Variants in DAAM1 observed in about 807,000 individuals in gnomAD.
The protein encoded by DAAM1 is dishevelled associated activator of morphogenesis 1.
In DAAM1, 52 loss-of-function variants were observed where a neutral mutation model predicts 130.0. The observed-to-expected ratio is 0.40, with a 90% confidence interval of 0.32 to 0.50. The LOEUF is 0.50. Ranked by LOEUF, DAAM1 falls within the 20% of genes least tolerant of loss-of-function variation. DAAM1 has a pLI of 0.61. For synonymous variants in DAAM1, 452 were observed against 444.5 expected (o/e 1.02, Z -0.21); for missense variants, 1,134 against 1,303.8 (o/e 0.87, Z 2.01).
intron 1 of DAAM1, among the ~76,000 whole-genome samples, chr14:59,235,572 A>AT (rs1889269120): frequency 6.6e-6 from 1 of 151,574 alleles, no homozygotes; most frequent in Admixed American, 6.6e-5. Flanking sequence ...TATTTTTTAA[A>AT]TTTTTTCAAA....
intron 2 of DAAM1, among the ~76,000 whole-genome samples, chr14:59,270,681 T>C (rs746646597): frequency 6.6e-6 from 1 of 152,118 alleles, no homozygotes; most frequent in Non-Finnish European, 1.5e-5. Flanking sequence ...AATTTTGAAA[T>C]AGAAAAGGAC....
intron 1 of DAAM1, among the ~76,000 whole-genome samples, chr14:59,242,856 T>A (rs1881192269): frequency 6.6e-6 from 1 of 152,178 alleles, no homozygotes; most frequent in Non-Finnish European, 1.5e-5. Flanking sequence ...GCCCAGCCGC[T>A]GGGTACTATT....
intron 3 of DAAM1, among the ~76,000 whole-genome samples, chr14:59,313,410 C>T (rs1395886662): frequency 2.6e-5 from 4 of 152,244 alleles, no homozygotes; most frequent in South Asian, 2.1e-4. Context: ...ACAATATCTA[C>T]GTGTGCTGTT....
intron 1 of DAAM1, among the ~76,000 whole-genome samples, chr14:59,241,468 A>G (rs1881113613): frequency 6.6e-6 from 1 of 152,230 alleles, no homozygotes; most frequent in African/African-American, 2.4e-5. Context: ...GTTTGAACTA[A>G]TTACTTTGTG....
intron 1 of DAAM1, among the ~76,000 whole-genome samples, chr14:59,242,768 C>T (rs1461065612): frequency 6.6e-6 from 1 of 152,074 alleles, no homozygotes; most frequent in Non-Finnish European, 1.5e-5. Flanking sequence ...CCGTGTTAGC[C>T]AGGATGGTCT....
intron 4 of DAAM1, among the ~76,000 whole-genome samples, chr14:59,317,808 C>T (rs1163192291): frequency 3.3e-5 from 5 of 152,304 alleles, no homozygotes; most frequent in East Asian, 3.9e-4. Context: ...AGCCCAAAGA[C>T]TCCTTTCCAA....
At chr14:59,260,918 T>TA (rs1391812176) in intron 1 of DAAM1, among the ~76,000 whole-genome samples, 2 of 152,122 alleles carry the variant, frequency 1.3e-5, no homozygotes, top group Non-Finnish European at 2.9e-5. Flanking sequence ...GCAAGATGTT[T>TA]ATGGGGCATG....
chr14:59,213,777 A>G (rs1425294714), intron 1 of DAAM1, among the ~76,000 whole-genome samples: 1 of 152,228 alleles, frequency 6.6e-6, no homozygotes, highest in Non-Finnish European at 1.5e-5. Context: ...TTTAAAACAC[A>G]GAAGAGCTGA....
intron 1 of DAAM1, among the ~76,000 whole-genome samples, chr14:59,216,900 A>G (rs1888598127): frequency 7.7e-6 from 1 of 129,562 alleles, no homozygotes; most frequent in Admixed American, 8.8e-5. Context: ...AGTATATACT[A>G]TGTGTATGTC....
intron 1 of DAAM1, among the ~76,000 whole-genome samples, chr14:59,227,133 C>T (rs147064538): frequency 2.6e-5 from 4 of 152,138 alleles, no homozygotes; most frequent in Admixed American, 6.5e-5. Flanking sequence ...CTTTAAAGTG[C>T]GTCTTTTACA....
chr14:59,303,332 C>T (rs12886284), intron 3 of DAAM1, among the ~76,000 whole-genome samples: 24,122 of 152,140 alleles, frequency 0.16, 2,356 homozygotes, highest in East Asian at 0.32. Context: ...GTGTATCTCA[C>T]GTCTGAGAAT....
chr14:59,282,351 T>C (rs1201800093), intron 2 of DAAM1, among the ~76,000 whole-genome samples: 3 of 152,316 alleles, frequency 2.0e-5, no homozygotes, highest in South Asian at 4.1e-4. Context: ...ATTTAATAGA[T>C]AGATATTCAA....
At chr14:59,267,253 A>G (rs1882483249) in intron 2 of DAAM1, among the ~76,000 whole-genome samples, 1 of 152,308 alleles carries the variant, frequency 6.6e-6, no homozygotes, top group African/African-American at 2.4e-5. Flanking sequence ...TGAGTCACTC[A>G]TTTGATGTTT....
At chr14:59,290,550 GT>G (rs1222956078) in intron 2 of DAAM1, among the ~76,000 whole-genome samples, 2 of 152,238 alleles carry the variant, frequency 1.3e-5, no homozygotes, top group African/African-American at 4.8e-5. Flanking sequence ...ATATCAGTTA[GT>G]GTTTATGCAA....
chr14:59,291,307 G>A lies in DAAM1; in HGVS notation c.273+1G>A. On this transcript the variant is annotated splice_donor_variant, in intron 3 of 24. Coordinates refer to ENST00000360909, the MANE Select transcript of DAAM1 (RefSeq NM_001270520.2). LOFTEE classifies it high-confidence loss of function. ...GCAAATATACTGTAGCAAGAAAAAGGTAAGATTTTCATTGTGATTATGGTT... is the reference window on the plus strand; with the variant it reads ...GCAAATATACTGTAGCAAGAAAAAGATAAGATTTTCATTGTGATTATGGTT... 1 of 1,598,366 alleles carries A rather than the reference G, an allele frequency of 6.3e-7. No homozygotes were observed. Among genetic ancestry groups the A allele is most frequent in the Non-Finnish European group, 8.5e-7 (1 of 1,173,666 alleles).
At chr14:59,227,419 A>T (rs1888975276) in intron 1 of DAAM1, among the ~76,000 whole-genome samples, 1 of 152,168 alleles carries the variant, frequency 6.6e-6, no homozygotes, top group African/African-American at 2.4e-5. Flanking sequence ...GACGGCCATG[A>T]GATTGTGAGA....
chr14:59,308,545 A>G (rs775104293), intron 3 of DAAM1, among the ~76,000 whole-genome samples: 3 of 152,114 alleles, frequency 2.0e-5, no homozygotes, highest in Non-Finnish European at 4.4e-5. Flanking sequence ...TGCTAGTTCC[A>G]GAAGATTGTG....
In DAAM1 at chr14:59,355,327, T is replaced by G; in HGVS notation, c.2519T>G (p.Ile840Ser). ...AAAATTGCTGACACAAAATCCAGCA[T>G]CGACAAGTAAGTATGAGATCTTCCA... ...LNKIADTKSS[I>S]DKNITLLHYL... The change falls in exon 20 of 25, where the codon ATC becomes AGC. Residue 840 changes from isoleucine (I) to serine (S), a missense_variant. Ile to Ser is a moderately radical substitution (Grantham distance 142). Coordinates refer to ENST00000360909, the MANE Select transcript of DAAM1 (RefSeq NM_001270520.2). 6.2e-7 allele frequency: 1 copy of G among 1,613,980 alleles called. No homozygotes were observed. The highest frequency in any genetic ancestry group is 8.5e-7 in the Non-Finnish European group (1 of 1,179,950).
chr14:59,355,044 A>G, intron 19 of DAAM1, 121 bp from the exon 20 acceptor site: 1 of 1,317,270 alleles, frequency 7.6e-7, no homozygotes, highest in East Asian at 2.4e-5. Flanking sequence ...CCAATAACTC[A>G]GTCTTACATC....
Sources: gnomAD v4.1 joint callset for allele counts (sites outside exome capture counted in the v4.1 genomes callset) on GRCh38, gnomAD v4.1.1 for gene constraint, MANE v1.5 for transcripts, NCBI Gene and HGNC (gene_info 2026-07-23, HGNC 2026-07-21) for gene names.